CXCL13: variants seen among roughly 807,000 people sequenced by gnomAD.
CXCL13 encodes the protein C-X-C motif chemokine 13.
Under a neutral mutation model 12.2 loss-of-function variants are expected in CXCL13, and 7 were observed. The ratio of observed to expected loss-of-function variants is 0.57; its 90% confidence interval spans 0.33 to 1.07. The LOEUF is 1.07. Ranked by LOEUF, CXCL13 falls within the 50% of genes least tolerant of loss-of-function variation. CXCL13 has a pLI of 0.04. For missense variants in CXCL13, 113 were observed against 127.4 expected (o/e 0.89, Z 0.55); for synonymous variants, 47 against 42.4 (o/e 1.11, Z -0.42).
chr4:77,559,282 A>T (rs990989247), intron 1 of CXCL13, among the ~76,000 whole-genome samples: 1 of 152,198 alleles, frequency 6.6e-6, no homozygotes, highest in Non-Finnish European at 1.5e-5. Flanking sequence ...AAAGAAGGAG[A>T]CTGGGCAGAG....
chr4:77,589,804 A>T (rs909538748), intron 1 of CXCL13, among the ~76,000 whole-genome samples: 3 of 152,234 alleles, frequency 2.0e-5, no homozygotes, highest in Non-Finnish European at 4.4e-5. Context: ...CAACTGGCCC[A>T]AGCTGTCTAG....
chr4:77,528,053 G>C (rs1283937750), intron 1 of CXCL13, among the ~76,000 whole-genome samples: 2 of 152,174 alleles, frequency 1.3e-5, no homozygotes, highest in South Asian at 4.1e-4. Flanking sequence ...CCTTGCGATA[G>C]TTTGCTGAGA....
intron 1 of CXCL13, among the ~76,000 whole-genome samples, chr4:77,516,257 G>T (rs577328361): frequency 2.0e-5 from 3 of 152,270 alleles, no homozygotes; most frequent in South Asian, 2.1e-4. Flanking sequence ...AAGGATATTG[G>T]TCTAAAATTC....
chr4:77,517,440 C>G (rs1415515567), intron 1 of CXCL13, among the ~76,000 whole-genome samples: 1 of 152,122 alleles, frequency 6.6e-6, no homozygotes, highest in Non-Finnish European at 1.5e-5. Flanking sequence ...GTGTGGGAGT[C>G]TAAGTCTCTT....
chr4:77,582,101 A>C (rs538625753), intron 1 of CXCL13, among the ~76,000 whole-genome samples: 1 of 152,206 alleles, frequency 6.6e-6, no homozygotes, highest in Non-Finnish European at 1.5e-5. Context: ...TCCTAATATA[A>C]AAATTTAAAA....
chr4:77,595,866 C>T (rs1032134216), intron 1 of CXCL13, among the ~76,000 whole-genome samples: 6 of 152,182 alleles, frequency 3.9e-5, no homozygotes, highest in African/African-American at 1.4e-4. Context: ...CCCCAGTTTT[C>T]TGTCCCACTT....
At chr4:77,553,211 A>G (rs1266980908) in intron 1 of CXCL13, among the ~76,000 whole-genome samples, 2 of 152,166 alleles carry the variant, frequency 1.3e-5, no homozygotes, top group East Asian at 3.9e-4. Context: ...TTCCTGCTCC[A>G]GGTCTGTGAT....
chr4:77,604,127 C>T (rs553820757), upstream of CXCL13, among the ~76,000 whole-genome samples: 6 of 152,292 alleles, frequency 3.9e-5, no homozygotes, highest in African/African-American at 4.8e-5. Context: ...ATAACCTCCT[C>T]GGGCTCTGCT....
rs189733438 is a variant in CXCL13, at chr4:77,548,212, C to T, written c.-43+36424C>T. Among the ~76,000 whole-genome samples, 394 of 152,300 alleles carry T rather than the reference C, an allele frequency of 2.6e-3. 2 individuals are homozygous for T. The highest frequency in any genetic ancestry group is 9.0e-3 in the African/African-American group (374 of 41,576). On this transcript the variant is annotated intron_variant, in intron 1 of 4. Transcript: ENST00000286758. ...AGGCCAGGCCAGGAGGAGAAAGAGA[C>T]AAATGGAGAGGACAAACCTCCAGGT...
At chr4:77,539,591 C>T (rs920997365) in intron 1 of CXCL13, among the ~76,000 whole-genome samples, 4 of 152,222 alleles carry the variant, frequency 2.6e-5, no homozygotes, top group African/African-American at 9.7e-5. Context: ...CACATGCTCA[C>T]TTGAGGCATT....
intron 1 of CXCL13, among the ~76,000 whole-genome samples, chr4:77,593,870 G>A (rs355659): frequency 2.5e-3 from 379 of 152,318 alleles, no homozygotes; most frequent in African/African-American, 8.7e-3. Flanking sequence ...CCCAGAGGTG[G>A]TAGCTTGAAA....
intron 1 of CXCL13, among the ~76,000 whole-genome samples, chr4:77,539,168 T>A (rs60255227): frequency 0.39 from 58,744 of 151,582 alleles, 11,871 homozygotes; most frequent in African/African-American, 0.5. Flanking sequence ...GGCTCAAGCA[T>A]TTCTCCTGCC....
rs190409250 is a variant in CXCL13, at chr4:77,529,837, C to A, written c.-43+18049C>A. Among the ~76,000 whole-genome samples, 830 of 152,260 alleles carry A rather than the reference C, an allele frequency of 5.5e-3. 8 individuals carry two copies. Among genetic ancestry groups the A allele is most frequent in the African/African-American group, 0.018 (730 of 41,564 alleles). Reference sequence around the variant, plus strand: ...GTTGAATAGGAGTGGTGAGAGAGGGCATCCCTGTCTTGTGCCAGTTTTCAA... The same window carrying A: ...GTTGAATAGGAGTGGTGAGAGAGGGAATCCCTGTCTTGTGCCAGTTTTCAA... On this transcript the variant is annotated intron_variant, in intron 1 of 4. Coordinates refer to the CXCL13 transcript ENST00000286758.
chr4:77,532,566 G>T (rs193187137), intron 1 of CXCL13, among the ~76,000 whole-genome samples: 3 of 152,076 alleles, frequency 2.0e-5, no homozygotes, highest in African/African-American at 7.2e-5. Flanking sequence ...GGCGTTCTCC[G>T]TATTTCCTGA....
chr4:77,533,852 C>G (rs1171564458), intron 1 of CXCL13, among the ~76,000 whole-genome samples: 1 of 152,206 alleles, frequency 6.6e-6, no homozygotes, highest in East Asian at 1.9e-4. Context: ...GATATAATCT[C>G]CTGGTGTGCC....
In CXCL13 at chr4:77,553,148, G is replaced by T. The variant is rs1453416451; in HGVS notation, c.-43+41360G>T. ...CACACCTATTCCAGGTCACCAGCTG[G>T]CCCTAGCTGTAAGATTCGTTGTCTG... On this transcript the variant is annotated intron_variant, in intron 1 of 4. Transcript: ENST00000286758. Among the ~76,000 whole-genome samples the T allele has an allele frequency of 2.0e-5, 3 of 152,310 alleles. No individual in the cohort carries two copies. The East Asian group carries it at 5.8e-4, about 29-fold the overall frequency.
chr4:77,584,142 A>G (rs1472398011), intron 1 of CXCL13, among the ~76,000 whole-genome samples: 2 of 152,160 alleles, frequency 1.3e-5, no homozygotes, highest in Non-Finnish European at 2.9e-5. Context: ...CAAAGCACAG[A>G]CCAATAACAT....
chr4:77,544,191 G>A (rs1725293818), intron 1 of CXCL13, among the ~76,000 whole-genome samples: 1 of 152,122 alleles, frequency 6.6e-6, no homozygotes, highest in African/African-American at 2.4e-5. Context: ...ATTGGGAATA[G>A]TGCCGCAATA....
At chr4:77,536,707 CA>C (rs1236408890) in intron 1 of CXCL13, among the ~76,000 whole-genome samples, 4 of 152,124 alleles carry the variant, frequency 2.6e-5, no homozygotes, top group African/African-American at 9.7e-5. Flanking sequence ...GGCAAAGAAA[CA>C]AGAGGAAAAG....
Sources: allele counts gnomAD v4.1 joint callset (sites outside exome capture counted in the v4.1 genomes callset), GRCh38; gene constraint gnomAD v4.1.1; transcripts MANE v1.5; gene names NCBI Gene and HGNC (gene_info 2026-07-23, HGNC 2026-07-21).